Variants in ZNF197 observed in about 807,000 individuals in gnomAD.
ZNF197 encodes zinc finger protein 197.
In ZNF197, 14 loss-of-function variants were observed where a neutral mutation model predicts 27.4. The ratio of observed to expected loss-of-function variants is 0.51; its 90% CI spans 0.34 to 0.80. The LOEUF is 0.80. Ranked by LOEUF, ZNF197 falls within the 30% of genes least tolerant of loss-of-function variation. The probability of loss-of-function intolerance (pLI) is 0.02; values close to 1 mark genes in which losing one functional copy is unlikely to be tolerated. For synonymous variants in ZNF197, 415 were observed against 420.0 expected (o/e 0.99, Z 0.15); for missense variants, 1,090 against 1,222.6 (o/e 0.89, Z 1.62).
At chr3:44,635,069 A>C (rs72862007) in intron 5 of ZNF197, among the ~76,000 whole-genome samples, 1 of 151,908 alleles carries the variant, frequency 6.6e-6, no homozygotes, top group African/African-American at 2.4e-5. Flanking sequence ...AAAATAGACT[A>C]TATGGATTAA....
chr3:44,635,802 G>A (rs1702254287), intron 5 of ZNF197, among the ~76,000 whole-genome samples: 1 of 152,166 alleles, frequency 6.6e-6, no homozygotes, highest in Non-Finnish European at 1.5e-5. Context: ...GCATAAGTTT[G>A]TGTGAGCCCA....
rs545581008 is a variant in ZNF197 at position 44,632,960 on chromosome 3, T to G, written c.769+361T>G. Among the ~76,000 whole-genome samples the G allele has an allele frequency of 9.8e-5, 15 of 152,342 alleles. No homozygotes were observed. In the South Asian group the frequency reaches 2.9e-3, roughly 29 times the overall value. On this transcript the variant is annotated intron_variant, in intron 5 of 5. Transcript: ENST00000344387. Reference sequence around the variant, plus strand: ...TAATTCAGTCAGCCATTCCTTATTTTAGATAACTGCTATAATAATCATCTG... The same window carrying G: ...TAATTCAGTCAGCCATTCCTTATTTGAGATAACTGCTATAATAATCATCTG...
intron 5 of ZNF197, among the ~76,000 whole-genome samples, chr3:44,634,708 C>T (rs1348067884): frequency 6.6e-6 from 1 of 152,208 alleles, no homozygotes; most frequent in Non-Finnish European, 1.5e-5. Context: ...CCTCAGCCTC[C>T]CAAAGTGCTG....
intron 5 of ZNF197, 91 bp from the exon 6 acceptor site, chr3:44,641,809 C>T: frequency 5.0e-6 from 7 of 1,398,712 alleles, no homozygotes; most frequent in Non-Finnish European, 6.6e-6. Flanking sequence ...TTAAAGTGTG[C>T]CTTCCTAGAA....
chr3:44,639,518 C>A (rs1702483919), intron 5 of ZNF197, among the ~76,000 whole-genome samples: 1 of 149,138 alleles, frequency 6.7e-6, no homozygotes, highest in Non-Finnish European at 1.5e-5. Context: ...TGTTGTAGAT[C>A]TACTCAGATT....
In ZNF197 at chr3:44,644,432, A is replaced by C; in HGVS notation, c.*212A>C. On this transcript the variant is annotated 3_prime_UTR_variant, in exon 6 of 6. Transcript: ENST00000344387. ...AGCGAGTGGATCACCTGAGGTCAGG[A>C]TTTTGAGACCAGCCTGACCAACATG... 1.1e-5 allele frequency: 13 copies of C among 1,186,942 alleles called. No individual in the cohort carries two copies. The highest frequency in any genetic ancestry group is 1.3e-5 in the Non-Finnish European group (12 of 929,486). 73.5% of individuals were successfully genotyped at this position (1,186,942 alleles called of 1,614,324 possible). A position where few individuals can be genotyped will look rare whatever the true frequency, so the allele number is the denominator to read the frequency against.
At chr3:44,632,710 A>G (rs1036995837) in intron 5 of ZNF197, 111 bp downstream of exon 5, 6 of 1,297,526 alleles carry the variant, frequency 4.6e-6, no homozygotes, top group Middle Eastern at 5.2e-4. Flanking sequence ...TATTACAAAG[A>G]AGAAAAAAAC....
chr3:44,646,854 C>T lies in ZNF197; in HGVS notation c.*2634C>T, dbSNP rs1170406648. The T allele has an allele frequency of 1.1e-5, 3 of 261,466 alleles. No individual in the cohort carries two copies. Among genetic ancestry groups the T allele is most frequent in the Non-Finnish European group, 2.2e-5 (3 of 136,960 alleles). The allele number at this position is 261,466 out of a possible 1,614,324, so 16.2% of individuals were successfully genotyped here. A position where few individuals can be genotyped will look rare whatever the true frequency, so the allele number is the denominator to read the frequency against. On this transcript the variant is annotated 3_prime_UTR_variant, in exon 6 of 6. Transcript: ENST00000344387. The stretch of plus-strand genomic sequence containing the variant: ...AAAAGCAATTCAATGGAGGAGGGAT[C>T]GCCTTTTCAGCAAATACTGTTGGAG...
intron 5 of ZNF197, among the ~76,000 whole-genome samples, chr3:44,636,854 C>A (rs1432204033): frequency 6.6e-6 from 1 of 152,170 alleles, no homozygotes; most frequent in Non-Finnish European, 1.5e-5. Context: ...TTCTCTGCAT[C>A]ATCCCTAACA....
chr3:44,645,613 A>T lies in ZNF197; in HGVS notation c.*1393A>T. The T allele has an allele frequency of 2.0e-6, 2 of 985,418 alleles. No homozygotes were observed. The highest frequency in any genetic ancestry group is 2.4e-6 in the Non-Finnish European group (2 of 829,934). 61.0% of individuals were successfully genotyped at this position (985,418 alleles called of 1,614,324 possible). ...AGGGCAGTGGTACCCTGCTTTCCCT[A>T]TTCAGAGGGAAAAAAATCCTTGACC... On this transcript the variant is annotated 3_prime_UTR_variant, in exon 6 of 6. Coordinates refer to ENST00000344387, the MANE Select transcript of ZNF197 (RefSeq NM_006991.5).
Position 44,643,512 on chromosome 3 carries a change from G to A in ZNF197, c.2382G>A (p.Glu794=). Reference sequence around the variant, plus strand: ...GTGAGAAACCCTATGAGTGTGATGAGTGTGGCAAATGCTTCATTCTGAAGA... The same window carrying A: ...GTGAGAAACCCTATGAGTGTGATGAATGTGGCAAATGCTTCATTCTGAAGA... The part of the protein sequence containing the change: ...HSGEKPYECD[E]CGKCFILKKS... Residue 794 remains glutamate, a synonymous_variant, in exon 6 of 6, where the codon GAG becomes GAA. Coordinates refer to ENST00000344387, the MANE Select transcript of ZNF197 (RefSeq NM_006991.5). The A allele has an allele frequency of 1.2e-6, 2 of 1,614,146 alleles. No homozygotes were observed. Among genetic ancestry groups the A allele is most frequent in the South Asian group, 1.1e-5 (1 of 91,080 alleles).
At chr3:44,637,536 A>G (rs1281689683) in intron 5 of ZNF197, among the ~76,000 whole-genome samples, 1 of 152,052 alleles carries the variant, frequency 6.6e-6, no homozygotes, top group East Asian at 1.9e-4. Context: ...CATATCTAAG[A>G]AACCATCACT....
Position 44,642,619 on chromosome 3 carries a change from C to T in ZNF197, c.1489C>T (p.Leu497Phe), listed in dbSNP as rs770307390. 6 of 1,614,020 alleles carry T rather than the reference C, an allele frequency of 3.7e-6. No homozygotes were observed. The highest frequency in any genetic ancestry group is 4.2e-6 in the Non-Finnish European group (5 of 1,179,994). The change falls in exon 6 of 6, where the codon CTC becomes TTC. Residue 497 changes from leucine to phenylalanine, a missense_variant. By Grantham distance (22) the Leu-to-Phe change is conservative (BLOSUM62 0). Transcript: ENST00000344387. ...GAAAGTCTTCTCTCAGAATGCTTACCTCATTGACCATCAGAGGCTCCACAA... is the reference window on the plus strand; with the variant it reads ...GAAAGTCTTCTCTCAGAATGCTTACTTCATTGACCATCAGAGGCTCCACAA... ...CGKVFSQNAY[L>F]IDHQRLHKGE...
chr3:44,635,340 C>CT (rs1702226547), intron 5 of ZNF197, among the ~76,000 whole-genome samples: 1 of 151,986 alleles, frequency 6.6e-6, no homozygotes, highest in Non-Finnish European at 1.5e-5. Context: ...CTTAGTAACT[C>CT]TGATTTGAGA....
chr3:44,644,273 A>G lies in ZNF197; in HGVS notation c.*53A>G, dbSNP rs1201433648. 1.3e-6 allele frequency: 2 copies of G among 1,528,774 alleles called. No homozygotes were observed. Among genetic ancestry groups the G allele is most frequent in the East Asian group, 2.3e-5 (1 of 44,254 alleles). The allele number at this position is 1,528,774 out of a possible 1,614,324, so 94.7% of individuals were successfully genotyped here. A position where few individuals can be genotyped will look rare whatever the true frequency, so the allele number is the denominator to read the frequency against. ...CTGCCTACTTAAGTAACTGTTGGAC[A>G]AATGATATATATTTCTTCTAAGGAA... On this transcript the variant is annotated 3_prime_UTR_variant, in exon 6 of 6. Transcript: ENST00000344387.
At chr3:44,625,823 T>G (rs1701629089) in intron 1 of ZNF197, among the ~76,000 whole-genome samples, 1 of 152,138 alleles carries the variant, frequency 6.6e-6, no homozygotes, top group Non-Finnish European at 1.5e-5. Context: ...TGTTACTGGT[T>G]TTCTCTTTTT....
At position 44,641,942 on chromosome 3, in the gene ZNF197, C is replaced by T. The variant is rs750759781; in HGVS notation, c.812C>T (p.Pro271Leu). The T allele has an allele frequency of 6.2e-7, 1 of 1,610,068 alleles. No individual in the cohort carries two copies. The highest frequency in any genetic ancestry group is 1.1e-5 in the South Asian group (1 of 90,150). ...MTENEEVTSK[P>L]SSSQRADSHK... The stretch of plus-strand genomic sequence containing the variant: ...GAGAATGAGGAGGTGACATCAAAGC[C>T]AAGTAGTTCTCAAAGAGCAGACTCT... Residue 271 changes from proline to leucine, a missense_variant, in exon 6 of 6, where the codon CCA (proline) becomes CTA (leucine). Transcript: ENST00000344387.
intron 5 of ZNF197, among the ~76,000 whole-genome samples, chr3:44,641,060 C>T (rs539805974): frequency 1.3e-5 from 2 of 152,270 alleles, no homozygotes; most frequent in East Asian, 3.9e-4. Context: ...GGAACTGGCT[C>T]ATAATTTCTC....
At position 44,629,147 on chromosome 3, in the gene ZNF197, A is replaced by C; in HGVS notation, c.-8A>C. 4 of 1,596,020 alleles carry C rather than the reference A, an allele frequency of 2.5e-6. No individual in the cohort carries two copies. The highest frequency in any genetic ancestry group is 2.6e-6 in the Non-Finnish European group (3 of 1,174,218). On this transcript the variant is annotated 5_prime_UTR_variant, in exon 2 of 6. Coordinates refer to ENST00000344387, the MANE Select transcript of ZNF197 (RefSeq NM_006991.5). ...GGACTGGAGAGGAGCCTTTTTCAAA[A>C]AACAACAATGACAAGAGAAAATGTA...
Sources: gnomAD v4.1 joint callset for allele counts (sites outside exome capture counted in the v4.1 genomes callset) on GRCh38, gnomAD v4.1.1 for gene constraint, MANE v1.5 for transcripts, NCBI Gene and HGNC (gene_info 2026-07-23, HGNC 2026-07-21) for gene names.